RASSF6: variants seen among roughly 807,000 people sequenced by gnomAD.
RASSF6 encodes Ras association domain family member 6.
Under a neutral mutation model 44.0 loss-of-function variants are expected in RASSF6, and 52 were observed. The observed-to-expected ratio is 1.18, with a 90% confidence interval of 0.95 to 1.49. The LOEUF (loss-of-function observed/expected upper bound fraction) is 1.49, where lower values mean the gene tolerates loss of function less well. RASSF6 is among the 40% of genes most tolerant of loss of function. RASSF6 has a pLI of 0.00. For synonymous variants in RASSF6, 162 were observed against 124.6 expected (o/e 1.30, Z -2.00); for missense variants, 464 against 393.3 (o/e 1.18, Z -1.52).
chr4:73,582,827 A>T (rs1344173386), intron 6 of RASSF6, among the ~76,000 whole-genome samples: 1 of 143,658 alleles, frequency 7.0e-6, no homozygotes, highest in African/African-American at 2.6e-5. Context: ...CATTTATAAC[A>T]CCCACACATG....
Position 73,576,620 on chromosome 4 carries a change from C to A in RASSF6, c.833G>T (p.Ser278Ile). ...GGGTGATGGTATTCATACATCACTG[C>A]TAATTTCTTCTGCATCTTTATCCAT... The part of the protein sequence containing the change: ...FLMDKDAEEI[S>I]SDVAQYINFH... Residue 278 changes from serine to isoleucine, a missense_variant, in exon 9 of 11, where the codon AGC becomes ATC. Ser to Ile is a moderately radical substitution (Grantham distance 142). Coordinates refer to ENST00000307439, the MANE Select transcript of RASSF6 (RefSeq NM_177532.5). 6.2e-7 allele frequency: 1 copy of A among 1,610,582 alleles called. No homozygotes were observed. Among genetic ancestry groups the A allele is most frequent in the Non-Finnish European group, 8.5e-7 (1 of 1,177,064 alleles).
intron 8 of RASSF6, among the ~76,000 whole-genome samples, chr4:73,578,737 T>C (rs1290818793): frequency 6.6e-6 from 1 of 151,658 alleles, no homozygotes; most frequent in African/African-American, 2.4e-5. Flanking sequence ...GCTTCCTGAG[T>C]AGCTGGGATT....
At chr4:73,616,122 G>T (rs1726337124) in intron 1 of RASSF6, among the ~76,000 whole-genome samples, 1 of 152,140 alleles carries the variant, frequency 6.6e-6, no homozygotes, top group Non-Finnish European at 1.5e-5. Flanking sequence ...AGTATAGCCT[G>T]TATCTATATC....
At chr4:73,597,506 C>G (rs773956291) in intron 3 of RASSF6, among the ~76,000 whole-genome samples, 1 of 152,062 alleles carries the variant, frequency 6.6e-6, no homozygotes, top group African/African-American at 2.4e-5. Flanking sequence ...GAAAAAGGAA[C>G]CCTTATACAC....
chr4:73,596,346 A>T (rs183942381), intron 3 of RASSF6, among the ~76,000 whole-genome samples: 63 of 152,316 alleles, frequency 4.1e-4, no homozygotes, highest in African/African-American at 1.4e-3. Flanking sequence ...CACCAACAAC[A>T]ATCAAGCCAA....
In RASSF6 at chr4:73,576,428, A is replaced by C; in HGVS notation, c.920T>G (p.Ile307Ser). 6.4e-7 allele frequency: 1 copy of C among 1,571,918 alleles called. No homozygotes were observed. The highest frequency in any genetic ancestry group is 8.7e-7 in the Non-Finnish European group (1 of 1,152,622). The change falls in exon 10 of 11, where the codon ATT (isoleucine) becomes AGT (serine). Residue 307 changes from isoleucine (I) to serine (S), a missense_variant. Physicochemically the swap from Ile to Ser is moderately radical, Grantham distance 142 (BLOSUM62 -2). Coordinates refer to ENST00000307439, the MANE Select transcript of RASSF6 (RefSeq NM_177532.5). ...QRLNEEEKRE[I>S]QRIVTKFNKE... ...GACTTACTTTGTTACTATTCTTTGA[A>C]TCTCTCTTTTCTCTTCTTCATTTAA...
chr4:73,581,684 C>T (rs1723659253), intron 8 of RASSF6, 133 bp downstream of exon 8: 3 of 568,512 alleles, frequency 5.3e-6, no homozygotes, highest in Admixed American at 6.0e-5. Flanking sequence ...TTCTAAAGAC[C>T]ACTCCTTCCT....
At chr4:73,612,483 T>TCTTTC (rs56131719) in intron 1 of RASSF6, among the ~76,000 whole-genome samples, 2 of 25,684 alleles carry the variant, frequency 7.8e-5, no homozygotes, top group African/African-American at 9.6e-5. Context: ...AGTTTTCTTT[T>TCTTTC]TTTTTTTTTT....
At chr4:73,611,682 A>G in intron 2 of RASSF6, 49 bp downstream of exon 2, 1 of 1,248,950 alleles carries the variant, frequency 8.0e-7, no homozygotes, top group Non-Finnish European at 1.2e-6. Flanking sequence ...GGTATATTCC[A>G]CAAATGACTG....
At chr4:73,600,437 A>G (rs1185651606) in intron 2 of RASSF6, among the ~76,000 whole-genome samples, 1 of 152,036 alleles carries the variant, frequency 6.6e-6, no homozygotes, top group East Asian at 1.9e-4. Context: ...AAGTATTTCA[A>G]TTGCTAAAAT....
intron 8 of RASSF6, among the ~76,000 whole-genome samples, chr4:73,578,285 G>C (rs183977455): frequency 6.6e-6 from 1 of 152,332 alleles, no homozygotes; most frequent in Non-Finnish European, 1.5e-5. Flanking sequence ...TGTGAGGAAA[G>C]AACGAGGTGC....
At chr4:73,601,804 A>C (rs1433873654) in intron 2 of RASSF6, among the ~76,000 whole-genome samples, 1 of 152,236 alleles carries the variant, frequency 6.6e-6, no homozygotes, top group East Asian at 1.9e-4. Context: ...TTCTAATTTA[A>C]CTTGGCATTA....
chr4:73,605,555 C>T (rs1725562985), intron 2 of RASSF6, among the ~76,000 whole-genome samples: 1 of 152,214 alleles, frequency 6.6e-6, no homozygotes. Flanking sequence ...TCAATCTTTG[C>T]ATAGAGACCC....
intron 2 of RASSF6, among the ~76,000 whole-genome samples, chr4:73,599,282 C>T (rs1725131720): frequency 6.6e-6 from 1 of 152,218 alleles, no homozygotes; most frequent in Admixed American, 6.5e-5. Flanking sequence ...TCCCAGCTGG[C>T]TGGGTGAAGC....
At chr4:73,576,793 T>A in intron 8 of RASSF6, 62 bp from the exon 9 acceptor site, 6 of 1,033,590 alleles carry the variant, frequency 5.8e-6, no homozygotes, top group Non-Finnish European at 5.6e-6. Flanking sequence ...AGAAGGAAGA[T>A]AATTTTCCAA....
chr4:73,605,223 C>A (rs1459755164), intron 2 of RASSF6, among the ~76,000 whole-genome samples: 2 of 152,088 alleles, frequency 1.3e-5, no homozygotes, highest in African/African-American at 4.8e-5. Context: ...GTGATACTTT[C>A]ATGATATTTT....
At chr4:73,587,777 T>C (rs549671579) in intron 5 of RASSF6, 63 bp downstream of exon 5, 7 of 954,220 alleles carry the variant, frequency 7.3e-6, no homozygotes, top group Admixed American at 1.8e-5. Flanking sequence ...GAGAAACATA[T>C]GGAGTCATAC....
At chr4:73,591,029 AT>A (rs1231200086) in intron 4 of RASSF6, among the ~76,000 whole-genome samples, 4 of 152,372 alleles carry the variant, frequency 2.6e-5, no homozygotes, top group South Asian at 4.1e-4. Flanking sequence ...TCATCCAAAA[AT>A]TCAGAATTGC....
intron 3 of RASSF6, among the ~76,000 whole-genome samples, chr4:73,594,956 C>T (rs1365596625): frequency 1.3e-5 from 2 of 152,140 alleles, no homozygotes; most frequent in Admixed American, 6.5e-5. Context: ...ACATGGTAGA[C>T]ATTCAATAAA....
Sources: allele counts gnomAD v4.1 joint callset (sites outside exome capture counted in the v4.1 genomes callset), GRCh38; gene constraint gnomAD v4.1.1; transcripts MANE v1.5; gene names NCBI Gene and HGNC (gene_info 2026-07-23, HGNC 2026-07-21).